PEAR1: variants seen among roughly 807,000 people sequenced by gnomAD.
The protein encoded by PEAR1 is platelet endothelial aggregation receptor 1.
In PEAR1, 113 loss-of-function variants were observed where a neutral mutation model predicts 131.2. The observed-to-expected ratio is 0.86, with a 90% CI of 0.74 to 1.01. The LOEUF (loss-of-function observed/expected upper bound fraction) is 1.01, where lower values mean the gene tolerates loss of function less well. Among genes scored for constraint, PEAR1 ranks in the 50% least tolerant of loss-of-function variants. PEAR1 has a pLI of 0.00. For synonymous variants in PEAR1, 565 were observed against 523.3 expected (o/e 1.08, Z -1.09); for missense variants, 1,408 against 1,391.1 (o/e 1.01, Z -0.19).
At chr1:156,905,036 G>A in intron 3 of PEAR1, 184 bp downstream of exon 3, 1 of 1,524,820 alleles carries the variant, frequency 6.6e-7, no homozygotes, top group Non-Finnish European at 8.9e-7. Flanking sequence ...ATGCGTGTAT[G>A]TGTGTTTAGG....
intron 1 of PEAR1, among the ~76,000 whole-genome samples, chr1:156,900,207 C>T (rs1429719608): frequency 6.6e-6 from 1 of 152,102 alleles, no homozygotes; most frequent in Non-Finnish European, 1.5e-5. Flanking sequence ...TGGCCAGGAG[C>T]CCAGCCGATT....
Position 156,899,657 on chromosome 1 carries a change from G to A in PEAR1, c.-9-4261G>A, listed in dbSNP as rs146333260. Among the ~76,000 whole-genome samples, 500 of 152,294 alleles carry A rather than the reference G, an allele frequency of 3.3e-3. 3 individuals are homozygous for A. The highest frequency in any genetic ancestry group is 0.011 in the African/African-American group (448 of 41,564). On this transcript the variant is annotated intron_variant, in intron 1 of 22. Coordinates refer to ENST00000292357, the MANE Select transcript of PEAR1 (RefSeq NM_001080471.3). ...GACTGAGAATGCTATCATGGAGACA[G>A]CTAATGTTAACTGAGCATATTAGGT...
chr1:156,905,081 T>C (rs1650096189), intron 3 of PEAR1: 13 of 1,169,438 alleles, frequency 1.1e-5, no homozygotes, highest in African/African-American at 1.9e-5. Flanking sequence ...GCCTGTGGGG[T>C]TGGGGGGGGG....
At position 156,904,835 on chromosome 1, in the gene PEAR1, T is replaced by C; in HGVS notation, c.189T>C (p.His63=). 4 of 1,613,740 alleles carry C rather than the reference T, an allele frequency of 2.5e-6. No individual in the cohort carries two copies. The highest frequency in any genetic ancestry group is 2.5e-6 in the Non-Finnish European group (3 of 1,179,808). Reference sequence around the variant, plus strand: ...GCGAGCGGCCCTGGGAGGGCCCCCATACTTGCCCCCAGCCCACGTGAGTGC... The same window carrying C: ...GCGAGCGGCCCTGGGAGGGCCCCCACACTTGCCCCCAGCCCACGTGAGTGC... The part of the protein sequence containing the change: ...EPCERPWEGP[H]TCPQPTVVYR... The change falls in exon 3 of 23, where the codon CAT becomes CAC. Residue 63 remains histidine, a synonymous_variant. Coordinates refer to ENST00000292357, the MANE Select transcript of PEAR1 (RefSeq NM_001080471.3).
intron 1 of PEAR1, among the ~76,000 whole-genome samples, chr1:156,898,514 T>C (rs189908757): frequency 5.9e-5 from 9 of 152,044 alleles, no homozygotes; most frequent in Admixed American, 5.9e-4. Context: ...TGTACATGGG[T>C]GTACTGGGTA....
chr1:156,904,915 CT>C, intron 3 of PEAR1, 63 bp downstream of exon 3: 1 of 1,605,162 alleles, frequency 6.2e-7, no homozygotes, highest in South Asian at 1.1e-5. Flanking sequence ...AGCCTGGCCC[CT>C]GGCCCTCTGT....
At chr1:156,904,586 G>T (rs997719174) in intron 2 of PEAR1, among the ~76,000 whole-genome samples, 162 bp from the exon 3 acceptor site, 25 of 152,174 alleles carry the variant, frequency 1.6e-4, no homozygotes, top group African/African-American at 5.8e-4. Flanking sequence ...CTCCAGACTT[G>T]AGAGGTGGGA....
At position 156,905,084 on chromosome 1, in the gene PEAR1, G is replaced by C. The variant is rs942336597; in HGVS notation, c.206+232G>C. On this transcript the variant is annotated intron_variant, in intron 3 of 22. Coordinates refer to ENST00000292357, the MANE Select transcript of PEAR1 (RefSeq NM_001080471.3). ...GTTACAGTATATGCCTGTGGGGTTGGGGGGGGGGCAAGAAGGGAATGCTCT... is the reference window on the plus strand; with the variant it reads ...GTTACAGTATATGCCTGTGGGGTTGCGGGGGGGGCAAGAAGGGAATGCTCT... 3.8e-5 allele frequency: 40 copies of C among 1,055,782 alleles called. No homozygotes were observed. In the Admixed American group the frequency reaches 4.1e-4, roughly 11 times the overall value. The allele number at this position is 1,055,782 out of a possible 1,614,324, so 65.4% of individuals were successfully genotyped here. A position where few individuals can be genotyped will look rare whatever the true frequency, so the allele number is the denominator to read the frequency against.
At chr1:156,914,190 A>G (rs774353084) in intron 22 of PEAR1, 90 bp downstream of exon 22, 2 of 1,456,018 alleles carry the variant, frequency 1.4e-6, no homozygotes, top group Admixed American at 5.4e-5. Flanking sequence ...AAGAGAAGGC[A>G]TGATGTGGCA....
chr1:156,909,664 T>A, intron 11 of PEAR1, 87 bp from the exon 12 acceptor site: 8 of 1,383,056 alleles, frequency 5.8e-6, no homozygotes, highest in East Asian at 2.4e-5. Flanking sequence ...GCTCATAGCA[T>A]AGAATCTGGC....
chr1:156,914,407 C>G (rs1443199308), intron 22 of PEAR1, among the ~76,000 whole-genome samples: 1 of 152,156 alleles, frequency 6.6e-6, no homozygotes, highest in African/African-American at 2.4e-5. Flanking sequence ...GATAAAGTCT[C>G]CTCATATCCT....
At position 156,908,377 on chromosome 1, in the gene PEAR1, C is replaced by T; in HGVS notation, c.1115+37C>T. ...GACATGTGGTCAAAGGATCAGGAGGCCAATGGGGAGGTCTTCCTGGCCGAA... is the reference window on the plus strand; with the variant it reads ...GACATGTGGTCAAAGGATCAGGAGGTCAATGGGGAGGTCTTCCTGGCCGAA... On this transcript the variant is annotated intron_variant, in intron 9 of 22. Transcript: ENST00000292357. This position sits in a 1 kb window ranked among gnomAD's most constrained non-coding sequence, Gnocchi z 4.2. 6.8e-7 allele frequency: 1 copy of T among 1,464,802 alleles called. No homozygotes were observed. The highest frequency in any genetic ancestry group is 9.0e-7 in the Non-Finnish European group (1 of 1,106,326). 90.7% of individuals were successfully genotyped at this position (1,464,802 alleles called of 1,614,324 possible).
chr1:156,895,159 C>A lies in PEAR1; in HGVS notation c.-10+1322C>A, dbSNP rs1286756600. Among the ~76,000 whole-genome samples the A allele has an allele frequency of 5.3e-5, 8 of 152,366 alleles. No individual in the cohort carries two copies. In the East Asian group the frequency reaches 1.5e-3, roughly 29 times the overall value. On this transcript the variant is annotated intron_variant, in intron 1 of 22. Transcript: ENST00000292357. ...ACTTCTCTGCCTTCCTCTCTCTCCACTGGAGGATGAAGCTGAGAGTTGGCA... is the reference window on the plus strand; with the variant it reads ...ACTTCTCTGCCTTCCTCTCTCTCCAATGGAGGATGAAGCTGAGAGTTGGCA...
intron 1 of PEAR1, among the ~76,000 whole-genome samples, chr1:156,900,253 C>A (rs1298848003): frequency 1.3e-5 from 2 of 152,124 alleles, no homozygotes; most frequent in African/African-American, 2.4e-5. Context: ...AGTGTCAGCT[C>A]ATTCTTGACT....
Position 156,913,981 on chromosome 1 carries a change from G to A in PEAR1, c.2843G>A (p.Gly948Asp), listed in dbSNP as rs1189233803. The A allele has an allele frequency of 1.9e-6, 3 of 1,613,614 alleles. No homozygotes were observed. The highest frequency in any genetic ancestry group is 3.3e-5 in the Admixed American group (2 of 59,954). The change falls in exon 22 of 23, where the codon GGC becomes GAC. Residue 948 changes from glycine (G) to aspartate (D), a missense_variant. Physicochemically the swap from Gly to Asp is moderately conservative, Grantham distance 94. Coordinates refer to ENST00000292357, the MANE Select transcript of PEAR1 (RefSeq NM_001080471.3). ...GAGAGCAGCTACATGGAGATGAAAG[G>A]CCCTCCCTCAGGATCTCCCCCCAGG... is the stretch of plus-strand genomic sequence containing the variant. ...PRESSYMEMK[G>D]PPSGSPPRQP...
rs202031790 is a variant in PEAR1 at position 156,905,454 on chromosome 1, G to C, written c.307+30G>C. On this transcript the variant is annotated intron_variant, in intron 4 of 22. Transcript: ENST00000292357. ...GTCCAGGGTTGGGTTAGGGAGCGGG[G>C]TGGGGCAATGGAATGCGGGGAGCTT... 2,409 of 1,565,096 alleles carry C rather than the reference G, an allele frequency of 1.5e-3. 4 individuals carry two copies. The highest frequency in any genetic ancestry group is 1.9e-3 in the South Asian group (165 of 85,556).
In PEAR1 at chr1:156,910,661, G is replaced by T; in HGVS notation, c.1869G>T (p.Lys623Asn). ...ATGGCAAACGCTGTGTGCCCTGCAA[G>T]TGCGCTAACCACTCCTTCTGCCACC... ...GRYGKRCVPC[K>N]CANHSFCHPS... Residue 623 changes from lysine to asparagine, a missense_variant, in exon 15 of 23, where the codon AAG (lysine) becomes AAT (asparagine). Physicochemically the swap from Lys to Asn is moderately conservative, Grantham distance 94. Transcript: ENST00000292357. The T allele has an allele frequency of 2.5e-6, 4 of 1,614,128 alleles. No individual in the cohort carries two copies. The highest frequency in any genetic ancestry group is 3.4e-6 in the Non-Finnish European group (4 of 1,180,026).
Position 156,904,842 on chromosome 1 carries a change from C to A in PEAR1, c.196C>A (p.Pro66Thr). 1 of 1,613,816 alleles carries A rather than the reference C, an allele frequency of 6.2e-7. No individual in the cohort carries two copies. Among genetic ancestry groups the A allele is most frequent in the Non-Finnish European group, 8.5e-7 (1 of 1,179,840 alleles). The change falls in exon 3 of 23, where the codon CCC (proline) becomes ACC (threonine). Residue 66 changes from proline (P) to threonine (T), a missense_variant. Coordinates refer to ENST00000292357, the MANE Select transcript of PEAR1 (RefSeq NM_001080471.3). ...GCCCTGGGAGGGCCCCCATACTTGC[C>A]CCCAGCCCACGTGAGTGCTCCTCAT... The part of the protein sequence containing the change: ...ERPWEGPHTC[P>T]QPTVVYRTVY...
Position 156,907,719 on chromosome 1 carries a change from C to A in PEAR1, c.754C>A (p.Pro252Thr), listed in dbSNP as rs763511512. 4 of 1,609,958 alleles carry A rather than the reference C, an allele frequency of 2.5e-6. No homozygotes were observed. Among genetic ancestry groups the A allele is most frequent in the Non-Finnish European group, 2.5e-6 (3 of 1,177,726 alleles). ...CCCACAGGGCTCCTGCAGCTGCCCC[C>A]CTGGCTGGATGGTATGGAGGGTGGG... ...QTPQGSCSCP[P>T]GWMGTICSLP... The change falls in exon 7 of 23, where the codon CCT (proline) becomes ACT (threonine). Residue 252 changes from proline (P) to threonine (T), a missense_variant. By Grantham distance (38) the Pro-to-Thr change is conservative. Transcript: ENST00000292357.
Sources: gnomAD v4.1 joint callset for allele counts (sites outside exome capture counted in the v4.1 genomes callset) on GRCh38, gnomAD v4.1.1 for gene constraint, Gnocchi (gnomAD v3.1) non-coding constraint, MANE v1.5 for transcripts, NCBI Gene and HGNC (gene_info 2026-07-23, HGNC 2026-07-21) for gene names.